The following DLEC1 variants were observed in gnomAD, a reference collection of about 807,000 sequenced individuals.
DLEC1 encodes the protein DLEC1 cilia and flagella associated protein.
DLEC1 carries 146 observed loss-of-function variants against 198.1 expected under a neutral mutation model. The ratio of observed to expected loss-of-function variants is 0.74; its 90% CI spans 0.64 to 0.85. The LOEUF (loss-of-function observed/expected upper bound fraction) is 0.85, where lower values mean the gene tolerates loss of function less well. DLEC1 is among the 40% of genes least tolerant of loss of function. DLEC1 has a pLI of 0.00. For synonymous variants in DLEC1, 897 were observed against 866.8 expected (o/e 1.03, Z -0.61); for missense variants, 2,233 against 2,220.0 (o/e 1.01, Z -0.12).
Position 38,112,318 on chromosome 3 carries a change from G to A in DLEC1, c.3623G>A (p.Cys1208Tyr). 3 of 1,614,156 alleles carry A rather than the reference G, an allele frequency of 1.9e-6. No homozygotes were observed. The highest frequency in any genetic ancestry group is 2.5e-6 in the Non-Finnish European group (3 of 1,180,010). The stretch of plus-strand genomic sequence containing the variant: ...CAGCTGTGCATTGACATCACAGGCT[G>A]TGCCAACATGTGGGGCGAGTACTGG... ...YQQLCIDITG[C>Y]ANMWGEYWDN... is the part of the protein sequence containing the mutation. Residue 1208 changes from cysteine to tyrosine, a missense_variant, in exon 25 of 37, where the codon TGT becomes TAT. Physicochemically the swap from Cys to Tyr is radical, Grantham distance 194. Transcript: ENST00000308059. This position sits in a 1 kb window ranked among gnomAD's most constrained non-coding sequence, Gnocchi z 4.8.
chr3:38,054,197 TAAA>T (rs746901513), intron 2 of DLEC1, among the ~76,000 whole-genome samples: 26 of 145,592 alleles, frequency 1.8e-4, no homozygotes, highest in Middle Eastern at 3.5e-3. Flanking sequence ...CAATAAATAC[TAAA>T]AAAAAAAACA....
chr3:38,071,165 A>G (rs755377415), intron 6 of DLEC1, among the ~76,000 whole-genome samples: 3 of 152,320 alleles, frequency 2.0e-5, no homozygotes, highest in East Asian at 1.9e-4. Context: ...CATTTGTTGT[A>G]TAGAATGATT....
chr3:38,092,309 T>C (rs1216529063), intron 10 of DLEC1, among the ~76,000 whole-genome samples: 2 of 152,164 alleles, frequency 1.3e-5, no homozygotes, highest in South Asian at 4.1e-4. Context: ...TACTGCATGA[T>C]TGCACCTATA....
intron 2 of DLEC1, among the ~76,000 whole-genome samples, chr3:38,052,758 C>A (rs900532067): frequency 8.1e-6 from 1 of 123,140 alleles, no homozygotes; most frequent in African/African-American, 3.3e-5. Flanking sequence ...GGTTTGAAGT[C>A]CCTCTCTCTC....
Position 38,122,098 on chromosome 3 carries a change from T to G in DLEC1, c.5048T>G (p.Val1683Gly). 6.2e-7 allele frequency: 1 copy of G among 1,614,116 alleles called. No individual in the cohort carries two copies. The highest frequency in any genetic ancestry group is 8.5e-7 in the Non-Finnish European group (1 of 1,179,978). ...MGQQEPAKAA[V>G]AFRVSPNSGL... ...CAGCAGGAGCCAGCCAAGGCCGCTG[T>G]GGCCTTCAGGGTCTCCCCAAACAGT... Residue 1683 changes from valine (V) to glycine (G), a missense_variant, in exon 36 of 37, where the codon GTG becomes GGG. Val to Gly is a moderately radical substitution (Grantham distance 109). Coordinates refer to ENST00000308059, the MANE Select transcript of DLEC1 (RefSeq NM_007335.4).
chr3:38,072,101 C>T (rs1697350566), intron 6 of DLEC1, among the ~76,000 whole-genome samples: 1 of 152,020 alleles, frequency 6.6e-6, no homozygotes, highest in Non-Finnish European at 1.5e-5. Context: ...ATGGGGTGAA[C>T]ATCAGGTGGA....
chr3:38,093,763 G>C lies in DLEC1; in HGVS notation c.1915G>C (p.Ala639Pro). 3.7e-6 allele frequency: 6 copies of C among 1,613,982 alleles called. No homozygotes were observed. Among genetic ancestry groups the C allele is most frequent in the Non-Finnish European group, 5.1e-6 (6 of 1,180,012 alleles). ...TARKQLIIRN[A>P]THVELAFYWQ... The stretch of plus-strand genomic sequence containing the variant: ...TAGGAAGCAGCTGATTATTAGAAAT[G>C]CTACGTGGGTAACCCCTGTGTGTGC... The change falls in exon 12 of 37, where the codon GCT (alanine) becomes CCT (proline). Residue 639 changes from alanine to proline, a missense_variant. Coordinates refer to ENST00000308059, the MANE Select transcript of DLEC1 (RefSeq NM_007335.4).
At chr3:38,060,677 T>C (rs1209550473) in intron 3 of DLEC1, among the ~76,000 whole-genome samples, 3 of 150,566 alleles carry the variant, frequency 2.0e-5, no homozygotes, top group Non-Finnish European at 4.4e-5. Context: ...TCAAGTGTCA[T>C]GGAGTACTAA....
At chr3:38,085,817 G>C (rs760222632) in intron 8 of DLEC1, among the ~76,000 whole-genome samples, 7 of 152,120 alleles carry the variant, frequency 4.6e-5, no homozygotes, top group Non-Finnish European at 8.8e-5. Context: ...CGTTGTCCTC[G>C]TGGCTGTGGG....
chr3:38,044,567 AAAG>A (rs1700798862), intron 1 of DLEC1, among the ~76,000 whole-genome samples: 1 of 152,144 alleles, frequency 6.6e-6, no homozygotes. Flanking sequence ...CTGTCTCAAA[AAAG>A]AAAAAAAAAG....
chr3:38,061,324 G>A (rs1011683597), intron 3 of DLEC1, among the ~76,000 whole-genome samples: 4 of 151,946 alleles, frequency 2.6e-5, no homozygotes, highest in African/African-American at 7.3e-5. Context: ...GATTAAAGGC[G>A]CCTGCCATCA....
In DLEC1 at chr3:38,044,333, T is replaced by C. The variant is rs373490068; in HGVS notation, c.412-1210T>C. Among the ~76,000 whole-genome samples, 3 of 151,644 alleles carry C rather than the reference T, an allele frequency of 2.0e-5. No individual in the cohort carries two copies. The East Asian group carries it at 5.8e-4, about 29-fold the overall frequency. ...CAGCGCTTTGGGAGGCTGAGGTGAG[T>C]AGATCATCTGAGGTCAGGAGTTCAA... On this transcript the variant is annotated intron_variant, in intron 1 of 36. Transcript: ENST00000308059.
intron 15 of DLEC1, 120 bp downstream of exon 15, chr3:38,096,857 A>G: frequency 4.0e-6 from 5 of 1,257,176 alleles, no homozygotes; most frequent in Non-Finnish European, 5.5e-6. Context: ...GGCTGAGGCC[A>G]TTCCCAGGGC....
At chr3:38,109,620 G>C (rs573047235) in intron 22 of DLEC1, 58 bp downstream of exon 22, 8 of 1,609,682 alleles carry the variant, frequency 5.0e-6, no homozygotes, top group Non-Finnish European at 6.8e-6. Flanking sequence ...AGGCAGCCGC[G>C]CCCAGGACCA....
intron 6 of DLEC1, among the ~76,000 whole-genome samples, chr3:38,065,196 T>G (rs796207984): frequency 2.6e-5 from 4 of 152,328 alleles, no homozygotes; most frequent in African/African-American, 9.6e-5. Context: ...AAACCAGTCA[T>G]GCGTGGCGGC....
chr3:38,111,544 C>T, intron 23 of DLEC1, 133 bp from the exon 24 acceptor site: 1 of 820,776 alleles, frequency 1.2e-6, no homozygotes, highest in Non-Finnish European at 1.9e-6. Context: ...ACCAGCTCTC[C>T]CCTGGGAAGA....
At chr3:38,086,111 C>A in intron 8 of DLEC1, 130 bp from the exon 9 acceptor site, 1 of 1,307,336 alleles carries the variant, frequency 7.6e-7, no homozygotes, top group Non-Finnish European at 1.0e-6. Context: ...CCCACTCATC[C>A]TCTCTGCATA....
intron 2 of DLEC1, among the ~76,000 whole-genome samples, chr3:38,058,377 G>T (rs569479397): frequency 3.9e-5 from 6 of 152,104 alleles, no homozygotes; most frequent in African/African-American, 9.7e-5. Context: ...AGACATAGCC[G>T]CTTGCTCTTG....
intron 13 of DLEC1, 29 bp from the exon 14 acceptor site, chr3:38,095,859 G>GT (rs753397705): frequency 6.2e-7 from 1 of 1,613,584 alleles, no homozygotes; most frequent in Non-Finnish European, 8.5e-7. Flanking sequence ...ACGCAGTGGT[G>GT]TTTTCAGGGC....
Sources: gnomAD v4.1 joint callset for allele counts (sites outside exome capture counted in the v4.1 genomes callset) on GRCh38, gnomAD v4.1.1 for gene constraint, Gnocchi (gnomAD v3.1) non-coding constraint, MANE v1.5 for transcripts, NCBI Gene and HGNC (gene_info 2026-07-23, HGNC 2026-07-21) for gene names.